HFM1: variants seen among roughly 807,000 people sequenced by gnomAD.
The protein encoded by HFM1 is probable ATP-dependent DNA helicase HFM1.
Under a neutral mutation model 192.1 loss-of-function variants are expected in HFM1, and 169 were observed. That is an observed-to-expected ratio of 0.88 (90% CI 0.78 to 1.00). The LOEUF is 1.00. Among genes scored for constraint, HFM1 ranks in the 50% least tolerant of loss-of-function variants. The pLI is 0.00. For missense variants in HFM1, 1,661 were observed against 1,668.0 expected, an observed-to-expected ratio of 1.00 and a Z score of 0.07; for synonymous variants, 525 against 537.8, an observed-to-expected ratio of 0.98 and a Z score of 0.33.
At chr1:91,294,137 C>CATGTATACAT (rs1344639781) in intron 30 of HFM1, among the ~76,000 whole-genome samples, 1 of 150,908 alleles carries the variant, frequency 6.6e-6, no homozygotes, top group African/African-American at 2.4e-5. Flanking sequence ...CAGCATGGCA[C>CATGTATACAT]ATGTATACAT....
intron 14 of HFM1, 51 bp from the exon 15 acceptor site, chr1:91,353,203 G>C: frequency 1.3e-6 from 2 of 1,548,044 alleles, no homozygotes; most frequent in Non-Finnish European, 1.8e-6. Flanking sequence ...TCAATAATTG[G>C]CACCTTTCAT....
chr1:91,284,366 C>T (rs899613905), intron 30 of HFM1, among the ~76,000 whole-genome samples: 4 of 151,958 alleles, frequency 2.6e-5, no homozygotes, highest in South Asian at 2.1e-4. Context: ...CTCAGCCTCC[C>T]GAGTAGCTCG....
chr1:91,273,689 A>T (rs1195690933), intron 34 of HFM1, 23 bp downstream of exon 34: 2 of 1,190,728 alleles, frequency 1.7e-6, no homozygotes, highest in Non-Finnish European at 1.2e-6. Context: ...TACTCTCTCA[A>T]GTAAGTATCA....
chr1:91,295,597 G>A (rs1346720568), intron 30 of HFM1, among the ~76,000 whole-genome samples: 1 of 152,274 alleles, frequency 6.6e-6, no homozygotes, highest in Middle Eastern at 3.4e-3. Context: ...GAGGAATTCA[G>A]CATATTTATT....
intron 23 of HFM1, among the ~76,000 whole-genome samples, chr1:91,321,545 G>T (rs1385266429): frequency 6.6e-6 from 1 of 152,130 alleles, no homozygotes; most frequent in East Asian, 1.9e-4. Flanking sequence ...ACTTGGAGAA[G>T]AACAGATTTG....
chr1:91,310,849 C>A (rs1313097308), intron 30 of HFM1, among the ~76,000 whole-genome samples: 1 of 152,222 alleles, frequency 6.6e-6, no homozygotes, highest in African/African-American at 2.4e-5. Context: ...AATTAAACCT[C>A]TTTTCCTTCC....
chr1:91,278,874 T>C (rs1021582544), intron 30 of HFM1, among the ~76,000 whole-genome samples: 5 of 152,162 alleles, frequency 3.3e-5, no homozygotes, highest in South Asian at 2.1e-4. Flanking sequence ...GTGACCATAG[T>C]AGAAGAAGAC....
At chr1:91,338,461 C>A (rs941189679) in intron 20 of HFM1, among the ~76,000 whole-genome samples, 8 of 152,210 alleles carry the variant, frequency 5.3e-5, no homozygotes, top group African/African-American at 1.7e-4. Flanking sequence ...GCAGTGTGGC[C>A]TCAGTTGCCC....
At chr1:91,375,009 C>T (rs1660732755) in intron 13 of HFM1, among the ~76,000 whole-genome samples, 1 of 151,992 alleles carries the variant, frequency 6.6e-6, no homozygotes, top group African/African-American at 2.4e-5. Flanking sequence ...CATGGAAGCA[C>T]AGAGTCCAGA....
rs1557505512 is a variant in HFM1 at position 91,385,268 on chromosome 1, T to TA, written c.755-35_755-34insT. On this transcript the variant is annotated intron_variant, in intron 5 of 38. Coordinates refer to ENST00000370425, the MANE Select transcript of HFM1 (RefSeq NM_001017975.6). ...AAAATGCTACATATTTATATAAATATCAAAAAAAAATTAATGGTCAGAAGC... is the reference window on the plus strand; with the variant it reads ...AAAATGCTACATATTTATATAAATATACAAAAAAAAATTAATGGTCAGAAGC... The TA allele has an allele frequency of 5.5e-6, 7 of 1,266,066 alleles. No homozygotes were observed. In the South Asian group the frequency reaches 7.9e-5, roughly 14 times the overall value. 78.4% of individuals were successfully genotyped at this position (1,266,066 alleles called of 1,614,324 possible). A position where few individuals can be genotyped will look rare whatever the true frequency, so the allele number is the denominator to read the frequency against.
chr1:91,366,619 T>C (rs939169150), intron 13 of HFM1, among the ~76,000 whole-genome samples: 1 of 152,176 alleles, frequency 6.6e-6, no homozygotes, highest in African/African-American at 2.4e-5. Context: ...TTTAAAAACT[T>C]AGAAAATTAA....
chr1:91,288,714 C>T (rs1382146289), intron 30 of HFM1, among the ~76,000 whole-genome samples: 1 of 152,162 alleles, frequency 6.6e-6, no homozygotes, highest in African/African-American at 2.4e-5. Flanking sequence ...AGATTAACAG[C>T]ATCCCAAGGC....
Position 91,379,812 on chromosome 1 carries a change from A to C in HFM1, c.1006+292T>G, listed in dbSNP as rs113149993. Among the ~76,000 whole-genome samples the C allele has an allele frequency of 9.0e-3, 1,364 of 152,262 alleles. 14 individuals carry two copies. The highest frequency in any genetic ancestry group is 0.031 in the African/African-American group (1,305 of 41,570). ...AATACATACCTAAGAAAGGAGAGTA[A>C]AAGTTCCTATGCAAATTTCTAGAAT... On this transcript the variant is annotated intron_variant, in intron 8 of 38. Transcript: ENST00000370425.
chr1:91,345,366 A>G (rs569927942), intron 19 of HFM1, among the ~76,000 whole-genome samples: 26 of 152,288 alleles, frequency 1.7e-4, no homozygotes, highest in African/African-American at 5.3e-4. Context: ...TGGTGAGAGT[A>G]GAATAAAAGA....
intron 4 of HFM1, among the ~76,000 whole-genome samples, chr1:91,387,905 T>A: frequency 7.3e-6 from 1 of 137,430 alleles, no homozygotes; most frequent in Non-Finnish European, 1.5e-5. Context: ...ACCCTAAAAC[T>A]TAGAGTATAA....
intron 34 of HFM1, among the ~76,000 whole-genome samples, chr1:91,272,407 T>C: frequency 6.6e-6 from 1 of 151,764 alleles, no homozygotes; most frequent in East Asian, 1.9e-4. Flanking sequence ...AAAACAGGGA[T>C]AGAGTTATTA....
At chr1:91,271,182 T>C (rs1021027859) in intron 34 of HFM1, among the ~76,000 whole-genome samples, 1 of 152,088 alleles carries the variant, frequency 6.6e-6, no homozygotes, top group African/African-American at 2.4e-5. Context: ...TGAGGCCAGT[T>C]AGAATGAGCT....
chr1:91,294,484 G>C (rs889475542), intron 30 of HFM1, among the ~76,000 whole-genome samples: 1 of 152,156 alleles, frequency 6.6e-6, no homozygotes, highest in Admixed American at 6.5e-5. Context: ...CTCTATAGCA[G>C]GGGTTGGAAA....
At chr1:91,295,997 C>T (rs189597370) in intron 30 of HFM1, among the ~76,000 whole-genome samples, 60 of 152,172 alleles carry the variant, frequency 3.9e-4, no homozygotes, top group Middle Eastern at 3.4e-3. Flanking sequence ...GTGGCAATCT[C>T]GGCTCACTGC....
Sources: allele counts gnomAD v4.1 joint callset (sites outside exome capture counted in the v4.1 genomes callset), GRCh38; gene constraint gnomAD v4.1.1; transcripts MANE v1.5; gene names NCBI Gene and HGNC (gene_info 2026-07-23, HGNC 2026-07-21).